The following NIPA1 variants were observed in gnomAD, a reference collection of about 807,000 sequenced individuals.
NIPA1 encodes NIPA magnesium transporter 1.
A neutral mutation model predicts 23.9 loss-of-function variants in NIPA1; 13 were observed. The observed-to-expected ratio is 0.54, with a 90% CI of 0.35 to 0.87. The LOEUF is 0.87. Ranked by LOEUF, NIPA1 falls within the 40% of genes least tolerant of loss-of-function variation. The pLI, the probability that NIPA1 is intolerant of heterozygous loss-of-function variation, is 0.01. For synonymous variants in NIPA1, 234 were observed against 202.9 expected, an observed-to-expected ratio of 1.15 and a Z score of -1.30; for missense variants, 362 against 429.7, an observed-to-expected ratio of 0.84 and a Z score of 1.39.
chr15:22,786,879 C>T (rs754485200), intron 1 of NIPA1, 45 bp downstream of exon 1: 39 of 120,962 alleles, frequency 3.2e-4, no homozygotes, highest in African/African-American at 1.3e-3. Flanking sequence ...GTGGGGGAGG[C>T]GGGCGGCGGA....
At chr15:22,817,548 A>G (rs1422303996) in intron 3 of NIPA1, among the ~76,000 whole-genome samples, 1 of 151,566 alleles carries the variant, frequency 6.6e-6, no homozygotes, top group Non-Finnish European at 1.5e-5. Context: ...GATGCCTGTA[A>G]TCCCAGCACT....
chr15:22,799,991 A>AATAG (rs1219209365), intron 1 of NIPA1, among the ~76,000 whole-genome samples: 1 of 151,238 alleles, frequency 6.6e-6, no homozygotes, highest in Non-Finnish European at 1.5e-5. Context: ...AAGATGATGT[A>AATAG]ATAGACACTG....
chr15:22,799,911 T>C (rs534470804), intron 1 of NIPA1, among the ~76,000 whole-genome samples: 1 of 113,498 alleles, frequency 8.8e-6, no homozygotes, highest in Admixed American at 1.3e-4. Context: ...ACCACTGCAC[T>C]CCAGCCTGGG....
Position 22,788,765 on chromosome 15 carries a change from CATG to C in NIPA1, c.178+1934_178+1936del, listed in dbSNP as rs773446398. On this transcript the variant is annotated intron_variant, in intron 1 of 4. Coordinates refer to ENST00000337435, the MANE Select transcript of NIPA1 (RefSeq NM_144599.5). ...CAAGCGAGTAGCCTTTTAAAAAAAA[CATG>C]ATAAGCTGGGTGCAGTGGCTCACAC... Among the ~76,000 whole-genome samples, 8 of 150,220 alleles carry C rather than the reference CATG, an allele frequency of 5.3e-5. No homozygotes were observed. In the East Asian group the frequency reaches 1.0e-3, roughly 19 times the overall value.
Position 22,823,754 on chromosome 15 carries a change from C to T in NIPA1, c.505C>T (p.Leu169=). The T allele has an allele frequency of 1.2e-6, 2 of 1,611,298 alleles. No individual in the cohort carries two copies. Among genetic ancestry groups the T allele is most frequent in the Non-Finnish European group, 1.7e-6 (2 of 1,179,438 alleles). The change falls in exon 5 of 5, where the codon CTG becomes TTG. Residue 169 remains leucine, a synonymous_variant. Coordinates refer to ENST00000337435, the MANE Select transcript of NIPA1 (RefSeq NM_144599.5). ...GTTTGTGGGCTACCTGTGCATCGTG[C>T]TGCTCATGCTGCTGCTGCTCATCTT... is the stretch of plus-strand genomic sequence containing the variant. ...PVFVGYLCIV[L]LMLLLLIFWI...
At chr15:22,795,574 C>T (rs1290354266) in intron 1 of NIPA1, among the ~76,000 whole-genome samples, 1 of 152,154 alleles carries the variant, frequency 6.6e-6, no homozygotes, top group Non-Finnish European at 1.5e-5. Flanking sequence ...CTTGGACGCC[C>T]TTACAGCGTG....
At position 22,826,147 on chromosome 15, in the gene NIPA1, G is replaced by A. The variant is rs1047112121; in HGVS notation, c.*1908G>A. ...TCAAGGAATAGCTTCCTAAAGTGTT[G>A]AGTAAAGAGGCTAAATAAAATGAGA... On this transcript the variant is annotated 3_prime_UTR_variant, in exon 5 of 5. Coordinates refer to ENST00000337435, the MANE Select transcript of NIPA1 (RefSeq NM_144599.5). 4 of 152,024 alleles carry A rather than the reference G, an allele frequency of 2.6e-5. No homozygotes were observed. Among genetic ancestry groups the A allele is most frequent in the Non-Finnish European group, 5.9e-5 (4 of 68,030 alleles). The allele number at this position is 152,024 out of a possible 1,614,324, so 9.4% of individuals were successfully genotyped here. A position where few individuals can be genotyped will look rare whatever the true frequency, so the allele number is the denominator to read the frequency against.
chr15:22,793,598 G>T (rs1231785113), intron 1 of NIPA1, among the ~76,000 whole-genome samples: 1 of 151,722 alleles, frequency 6.6e-6, no homozygotes. Context: ...CCGCCACCAT[G>T]CCCGGCTAAT....
chr15:22,823,215 AT>A (rs111286012), intron 4 of NIPA1, among the ~76,000 whole-genome samples: 31,471 of 107,806 alleles, frequency 0.29, 4,235 homozygotes, highest in Middle Eastern at 0.4. Flanking sequence ...CCTTCTGTAA[AT>A]TTTTTTTTTT....
intron 4 of NIPA1, among the ~76,000 whole-genome samples, chr15:22,823,427 CCT>C (rs1566788908): frequency 6.6e-6 from 1 of 151,632 alleles, no homozygotes; most frequent in Non-Finnish European, 1.5e-5. Context: ...GTCTTGAACT[CCT>C]GACCTCATGA....
chr15:22,799,943 C>CAAA (rs61174589), intron 1 of NIPA1, among the ~76,000 whole-genome samples: 16 of 47,004 alleles, frequency 3.4e-4, no homozygotes, highest in Non-Finnish European at 3.7e-4. Flanking sequence ...GACCCTGTCT[C>CAAA]AAAAAAAAAA....
intron 1 of NIPA1, among the ~76,000 whole-genome samples, chr15:22,803,761 ACT>A (rs1895140244): frequency 1.6e-5 from 2 of 123,752 alleles, no homozygotes; most frequent in South Asian, 5.2e-4. Context: ...CTCACTGCAG[ACT>A]CTGCCTCCCA....
intron 1 of NIPA1, among the ~76,000 whole-genome samples, chr15:22,788,110 G>A (rs898302264): frequency 2.6e-5 from 4 of 152,098 alleles, no homozygotes; most frequent in Admixed American, 6.6e-5. Flanking sequence ...GTCAACGCGC[G>A]TGACCTTATA....
chr15:22,793,501 C>T (rs952509388), intron 1 of NIPA1, among the ~76,000 whole-genome samples: 18 of 151,444 alleles, frequency 1.2e-4, no homozygotes, highest in African/African-American at 2.9e-4. Context: ...AGTGCAATGG[C>T]GTGATCTTGG....
At chr15:22,804,315 G>A (rs2140860690) in intron 1 of NIPA1, among the ~76,000 whole-genome samples, 1 of 151,732 alleles carries the variant, frequency 6.6e-6, no homozygotes, top group South Asian at 2.1e-4. Context: ...TAGAGAAAGG[G>A]TTTCACCATC....
At chr15:22,823,662 G>C in intron 4 of NIPA1, 66 bp from the exon 5 acceptor site, 2 of 1,527,554 alleles carry the variant, frequency 1.3e-6, no homozygotes, top group Non-Finnish European at 1.8e-6. Flanking sequence ...TGCTGCCCCA[G>C]TCCACCTCCT....
intron 1 of NIPA1, among the ~76,000 whole-genome samples, chr15:22,798,496 C>A (rs1462694586): frequency 1.3e-5 from 2 of 150,296 alleles, no homozygotes; most frequent in South Asian, 2.1e-4. Context: ...GCCTCGGCCT[C>A]CCTAAGTGCT....
chr15:22,811,932 C>T (rs1042511573), intron 2 of NIPA1, among the ~76,000 whole-genome samples: 5 of 152,190 alleles, frequency 3.3e-5, no homozygotes, highest in South Asian at 4.1e-4. Context: ...TGGTTAGGTT[C>T]GGCATTTCCA....
intron 3 of NIPA1, among the ~76,000 whole-genome samples, chr15:22,815,250 T>C (rs956577109): frequency 1.3e-5 from 2 of 152,230 alleles, no homozygotes; most frequent in Non-Finnish European, 2.9e-5. Context: ...AACCTTGTTA[T>C]GATACATGTA....
Sources: allele counts gnomAD v4.1 joint callset (sites outside exome capture counted in the v4.1 genomes callset), GRCh38; gene constraint gnomAD v4.1.1; transcripts MANE v1.5; gene names NCBI Gene and HGNC (gene_info 2026-07-23, HGNC 2026-07-21).